Variants in DMD observed in about 807,000 individuals in gnomAD.
DMD encodes the protein dystrophin.
DMD carries 63 observed loss-of-function variants against 330.1 expected under a neutral mutation model. The observed-to-expected ratio is 0.19, with a 90% CI of 0.16 to 0.24. The LOEUF (loss-of-function observed/expected upper bound fraction) is 0.24. DMD is among the 10% of genes least tolerant of loss of function. The probability of loss-of-function intolerance (pLI) is 1.00; values close to 1 mark genes in which losing one functional copy is unlikely to be tolerated. For synonymous variants in DMD, 1,223 were observed against 959.8 expected (o/e 1.27, Z -5.07); for missense variants, 3,344 against 2,684.1 (o/e 1.25, Z -5.43).
At chrX:32,515,457 C>T (rs995062390) in intron 18 of DMD, among the ~76,000 whole-genome samples, 19 of 111,164 alleles carry the variant, frequency 1.7e-4, no homozygotes, top group Admixed American at 1.2e-3. Flanking sequence ...ATGACCATAA[C>T]GACTTGATAG....
At chrX:32,518,565 G>A (rs1334235277) in intron 17 of DMD, among the ~76,000 whole-genome samples, 3 of 111,246 alleles carry the variant, frequency 2.7e-5, no homozygotes, top group African/African-American at 6.5e-5. Flanking sequence ...GTTTGGCCAC[G>A]TGACTTTCTA....
chrX:32,155,392 C>T (rs2096825652), intron 44 of DMD: 10 of 752,193 alleles, frequency 1.3e-5, no homozygotes, highest in Non-Finnish European at 1.6e-5. Flanking sequence ...GTGCAAAAAC[C>T]TCTTTCGGTC....
At chrX:32,786,086 AGTGTGTGTGTGTGTGTGTGT>A (rs368269067) in intron 7 of DMD, among the ~76,000 whole-genome samples, 4 of 96,548 alleles carry the variant, frequency 4.1e-5, no homozygotes, top group East Asian at 3.2e-4. Flanking sequence ...GAGGAATAAG[AGTGTGTGTGTGTGTGTGTGT>A]GTGTGTGTGT....
chrX:31,619,185 T>C (rs2078385264), intron 55 of DMD, among the ~76,000 whole-genome samples: 1 of 111,468 alleles, frequency 9.0e-6, no homozygotes, highest in African/African-American at 3.3e-5. Context: ...TTTTAGTTTA[T>C]ATAATTGCCC....
intron 13 of DMD, among the ~76,000 whole-genome samples, chrX:32,585,791 T>C (rs950028740): frequency 9.3e-5 from 10 of 108,059 alleles, no homozygotes; most frequent in Non-Finnish European, 1.7e-4. Context: ...TGGTGGGTAT[T>C]ATGATCACTG....
intron 19 of DMD, among the ~76,000 whole-genome samples, chrX:32,492,868 A>T (rs1243737959): frequency 1.8e-5 from 2 of 112,142 alleles, no homozygotes; most frequent in Non-Finnish European, 3.8e-5. Flanking sequence ...ATGTACCTAC[A>T]GAGATCTCAA....
rs16989928 is a variant in DMD at position 31,899,815 on chromosome X, C to T, written c.6913-24442G>A. Among the ~76,000 whole-genome samples, 1,043 of 110,929 alleles carry T rather than the reference C, an allele frequency of 9.4e-3. 18 individuals are homozygous for T. Among genetic ancestry groups the T allele is most frequent in the African/African-American group, 0.033 (993 of 30,525 alleles). On this transcript the variant is annotated intron_variant, in intron 47 of 78. Coordinates refer to ENST00000357033, the MANE Select transcript of DMD (RefSeq NM_004006.3). ...ATTCCATAAGTTTGTAATGGAGTCG[C>T]GATAGCTCAACCTAATTTTTCTATT...
chrX:32,675,533 A>G (rs1420713822), intron 9 of DMD, among the ~76,000 whole-genome samples: 1 of 111,807 alleles, frequency 8.9e-6, no homozygotes, highest in African/African-American at 3.2e-5. Context: ...TATATTGCTT[A>G]TATATTCATC....
At position 32,454,342 on chromosome X, in the gene DMD, C is replaced by T. The variant is rs942461517; in HGVS notation, c.3603+320G>A. ...CAAGAATACTTTTGCACAGTTTCAA[C>T]GTACATTTACATCAGCTACAGACAG... is the stretch of plus-strand genomic sequence containing the variant. On this transcript the variant is annotated intron_variant, in intron 26 of 78. Transcript: ENST00000357033. Among the ~76,000 whole-genome samples the T allele has an allele frequency of 9.9e-5, 11 of 110,993 alleles. No individual in the cohort carries two copies. In the East Asian group the frequency reaches 1.4e-3, roughly 14 times the overall value.
At chrX:31,916,564 C>T (rs2094610953) in intron 47 of DMD, among the ~76,000 whole-genome samples, 1 of 111,817 alleles carries the variant, frequency 8.9e-6, no homozygotes, top group African/African-American at 3.3e-5. Context: ...TTTAGAAGAT[C>T]ATTATTAGAA....
intron 3 of DMD, among the ~76,000 whole-genome samples, chrX:32,848,428 C>T (rs2080866572): frequency 9.0e-6 from 1 of 111,526 alleles, no homozygotes; most frequent in Admixed American, 9.6e-5. Context: ...TACATGATGA[C>T]CTCAAATTGG....
At chrX:32,773,516 ATT>A (rs35272633) in intron 7 of DMD, among the ~76,000 whole-genome samples, 2,583 of 90,134 alleles carry the variant, frequency 0.029, 80 homozygotes, top group African/African-American at 0.088. Flanking sequence ...TATACTTTTT[ATT>A]TTTTTTTTTT....
chrX:31,147,412 G>A lies in DMD; in HGVS notation c.10660C>T (p.Arg3554Trp), dbSNP rs1427119360. The change falls in exon 75 of 79, where the codon CGG (arginine) becomes TGG (tryptophan). Residue 3554 changes from arginine to tryptophan, a missense_variant. Arg to Trp is a moderately radical substitution (Grantham distance 101, BLOSUM62 -3). Coordinates refer to ENST00000357033, the MANE Select transcript of DMD (RefSeq NM_004006.3). ...GCCTCAGCAATGAGCTCAGCATCCC[G>A]GGGACTCTGGGGAGAGGTGGGCATC... ...EMMPTSPQSP[R>W]DAELIAEAKL... The A allele has an allele frequency of 1.4e-5, 17 of 1,205,235 alleles. No individual in the cohort carries two copies. The highest frequency in any genetic ancestry group is 1.8e-5 in the African/African-American group (1 of 56,256).
chrX:32,074,716 A>G, intron 44 of DMD, among the ~76,000 whole-genome samples: 2 of 80,080 alleles, frequency 2.5e-5, no homozygotes, highest in South Asian at 1.3e-3. Context: ...TAGCCCTTCA[A>G]AGAAAAAAGG....
chrX:32,994,603 G>C (rs1007324962), intron 2 of DMD, among the ~76,000 whole-genome samples: 1 of 110,963 alleles, frequency 9.0e-6, no homozygotes, highest in African/African-American at 3.3e-5. Context: ...GGATCATATG[G>C]TAATTCCATT....
chrX:32,269,383 G>A (rs950567299), intron 43 of DMD, among the ~76,000 whole-genome samples: 74 of 111,597 alleles, frequency 6.6e-4, no homozygotes, highest in Middle Eastern at 9.3e-3. Flanking sequence ...CGCCCACTTG[G>A]CCCCCTTCCA....
chrX:32,419,581 A>G (rs1053352134), intron 29 of DMD, among the ~76,000 whole-genome samples: 2 of 112,350 alleles, frequency 1.8e-5, no homozygotes, highest in Non-Finnish European at 3.8e-5. Flanking sequence ...AGAAGGTTAC[A>G]TTATTCACGA....
At chrX:32,712,248 T>C (rs924786290) in intron 7 of DMD, among the ~76,000 whole-genome samples, 3 of 111,252 alleles carry the variant, frequency 2.7e-5, no homozygotes, top group African/African-American at 9.8e-5. Context: ...CAAACAAACC[T>C]AGACCCTGAT....
intron 2 of DMD, among the ~76,000 whole-genome samples, chrX:33,009,313 T>C (rs377763635): frequency 0.01 from 445 of 43,324 alleles, 136 homozygotes; most frequent in East Asian, 0.018. Context: ...TACACATGTG[T>C]GTATATGTGT....
Sources: allele counts gnomAD v4.1 joint callset (sites outside exome capture counted in the v4.1 genomes callset), GRCh38; gene constraint gnomAD v4.1.1; transcripts MANE v1.5; gene names NCBI Gene and HGNC (gene_info 2026-07-23, HGNC 2026-07-21).